Variants in CHIC2 observed in about 807,000 individuals in gnomAD.
CHIC2 encodes cysteine rich hydrophobic domain 2, also known as cysteine-rich hydrophobic domain-containing protein 2.
CHIC2 carries 14 observed loss-of-function variants against 25.9 expected under a neutral mutation model. The ratio of observed to expected loss-of-function variants is 0.54; its 90% CI spans 0.36 to 0.85. The LOEUF (loss-of-function observed/expected upper bound fraction) is 0.85. CHIC2 is among the 40% of genes least tolerant of loss of function. The pLI is 0.01. For missense variants in CHIC2, 146 were observed against 202.0 expected, an observed-to-expected ratio of 0.72 and a Z score of 1.68; for synonymous variants, 70 against 72.0, an observed-to-expected ratio of 0.97 and a Z score of 0.14.
chr4:54,020,429 C>T lies in CHIC2; in HGVS notation c.331-6310G>A, dbSNP rs184041676. On this transcript the variant is annotated intron_variant, in intron 3 of 5. Coordinates refer to ENST00000263921, the MANE Select transcript of CHIC2 (RefSeq NM_012110.4). ...GCTGACTCTCTTTTTGGACTCAGCC[C>T]GCCTGCACCCAGGTGAAATAAACAG... is the stretch of plus-strand genomic sequence containing the variant. Among the ~76,000 whole-genome samples, 162 of 152,298 alleles carry T rather than the reference C, an allele frequency of 1.1e-3. 2 individuals carry two copies. In the East Asian group the frequency reaches 0.021, roughly 20 times the overall value.
chr4:54,044,953 A>G (rs1309241179), intron 3 of CHIC2, among the ~76,000 whole-genome samples: 4 of 152,208 alleles, frequency 2.6e-5, no homozygotes, highest in African/African-American at 9.7e-5. Context: ...GCAATAAAAA[A>G]TGATAAAGGG....
At chr4:54,036,860 T>TTTA (rs1419245922) in intron 3 of CHIC2, among the ~76,000 whole-genome samples, 1 of 151,502 alleles carries the variant, frequency 6.6e-6, no homozygotes, top group Non-Finnish European at 1.5e-5. Context: ...CTCAGGAATT[T>TTTA]TTACTCAAAA....
At chr4:54,078,328 C>T in the CHIC2 span, among the ~76,000 whole-genome samples, 11 of 152,120 alleles carry the variant, frequency 7.2e-5, no homozygotes, top group Non-Finnish European at 1.3e-4. Context: ...CAGATTTAAT[C>T]CAGTCATATT....
the CHIC2 span, among the ~76,000 whole-genome samples, chr4:54,077,021 T>C: frequency 2.0e-5 from 3 of 152,308 alleles, no homozygotes; most frequent in South Asian, 6.2e-4. Flanking sequence ...TCAACAATTG[T>C]CATCCTTGTT....
At chr4:54,041,371 A>G (rs1716573825) in intron 3 of CHIC2, among the ~76,000 whole-genome samples, 1 of 152,088 alleles carries the variant, frequency 6.6e-6, no homozygotes, top group Non-Finnish European at 1.5e-5. Flanking sequence ...CTCTCGATCG[A>G]GGGTTCTTAA....
At chr4:54,080,926 T>G in the CHIC2 span, among the ~76,000 whole-genome samples, 1 of 133,744 alleles carries the variant, frequency 7.5e-6, no homozygotes, top group Non-Finnish European at 1.6e-5. Context: ...TGGTAATCAT[T>G]TCACAATGTG....
the CHIC2 span, among the ~76,000 whole-genome samples, chr4:54,071,928 A>G: frequency 3.3e-5 from 5 of 152,174 alleles, no homozygotes; most frequent in East Asian, 1.9e-4. Flanking sequence ...TAATAAATCT[A>G]TGAAATCCAT....
At chr4:54,036,009 C>T (rs537944401) in intron 3 of CHIC2, among the ~76,000 whole-genome samples, 11 of 152,242 alleles carry the variant, frequency 7.2e-5, no homozygotes, top group South Asian at 2.1e-4. Context: ...AATTTTCTAG[C>T]GATTTTTCAT....
intron 3 of CHIC2, among the ~76,000 whole-genome samples, chr4:54,032,913 C>G (rs1357863481): frequency 1.3e-5 from 2 of 152,094 alleles, no homozygotes; most frequent in South Asian, 2.1e-4. Flanking sequence ...GGTGGGGCCT[C>G]GTGGAAGGTG....
At chr4:54,048,458 G>A (rs943700472) in intron 3 of CHIC2, among the ~76,000 whole-genome samples, 1 of 152,090 alleles carries the variant, frequency 6.6e-6, no homozygotes, top group Admixed American at 6.6e-5. Flanking sequence ...TTTATTTCTT[G>A]TATGGGTACC....
the CHIC2 span, among the ~76,000 whole-genome samples, chr4:54,086,604 G>GA: frequency 5.3e-5 from 8 of 152,116 alleles, no homozygotes; most frequent in Admixed American, 6.6e-5. Flanking sequence ...TGCTATGGGA[G>GA]AAAAAAATAG....
intron 1 of CHIC2, 59 bp from the exon 2 acceptor site, chr4:54,049,364 C>A: frequency 1.8e-6 from 2 of 1,104,756 alleles, no homozygotes; most frequent in East Asian, 2.5e-5. Context: ...AAAATGTAGA[C>A]CATTTAATTT....
At chr4:54,040,612 A>G (rs948684636) in intron 3 of CHIC2, among the ~76,000 whole-genome samples, 2 of 151,462 alleles carry the variant, frequency 1.3e-5, no homozygotes, top group Non-Finnish European at 2.9e-5. Context: ...GAGGCAAGAG[A>G]ATCACTTGAA....
chr4:54,010,280 CTT>C (rs1715544872), intron 5 of CHIC2, 135 bp from the exon 6 acceptor site: 1 of 605,766 alleles, frequency 1.7e-6, no homozygotes, highest in East Asian at 2.9e-5. Context: ...TAAAACAGAT[CTT>C]TATCTGATAA....
intron 3 of CHIC2, among the ~76,000 whole-genome samples, chr4:54,032,196 A>G (rs1439852856): frequency 1.3e-5 from 2 of 152,230 alleles, no homozygotes; most frequent in Non-Finnish European, 2.9e-5. Flanking sequence ...CATATCTAAA[A>G]GAGTAAAGCA....
At position 54,010,142 on chromosome 4, in the gene CHIC2, T is replaced by C; in HGVS notation, c.451A>G (p.Ile151Val). Residue 151 changes from isoleucine to valine, a missense_variant, in exon 6 of 6, where the codon ATC (isoleucine) becomes GTC (valine). Coordinates refer to ENST00000263921, the MANE Select transcript of CHIC2 (RefSeq NM_012110.4). ...GTCTTTGGTAAAAATTCTATGAGGATGACCTGTAAAAGGAGAAGAAAAAGG... is the reference window on the plus strand; with the variant it reads ...GTCTTTGGTAAAAATTCTATGAGGACGACCTGTAAAAGGAGAAGAAAAAGG... ...CETNNMMEYV[I>V]LIEFLPKTPI... 1 of 1,605,106 alleles carries C rather than the reference T, an allele frequency of 6.2e-7. No homozygotes were observed.
chr4:54,055,213 A>G (rs1717138669), intron 1 of CHIC2, among the ~76,000 whole-genome samples: 1 of 152,038 alleles, frequency 6.6e-6, no homozygotes, highest in Admixed American at 6.6e-5. Flanking sequence ...GGCTCAAGTG[A>G]TCTTTCTGCC....
At position 54,057,367 on chromosome 4, in the gene CHIC2, T is replaced by C. The variant is rs1245174822; in HGVS notation, c.119+6815A>G. Among the ~76,000 whole-genome samples the C allele has an allele frequency of 3.9e-5, 6 of 152,178 alleles. No homozygotes were observed. The East Asian group carries it at 1.2e-3, about 29-fold the overall frequency. ...TCATTTCAAGACATTATCCCCTTTGTTCACTATATTCTAGCCATAATATAG... is the reference window on the plus strand; with the variant it reads ...TCATTTCAAGACATTATCCCCTTTGCTCACTATATTCTAGCCATAATATAG... On this transcript the variant is annotated intron_variant, in intron 1 of 5. Coordinates refer to ENST00000263921, the MANE Select transcript of CHIC2 (RefSeq NM_012110.4).
At chr4:54,069,459 G>C (rs547968813), upstream of CHIC2, among the ~76,000 whole-genome samples, 92 of 152,360 alleles carry the variant, frequency 6.0e-4, 1 homozygote, top group Non-Finnish European at 2.9e-4. Context: ...CCAGCACACG[G>C]ATGAGTTCTT....
Sources: gnomAD v4.1 joint callset for allele counts (sites outside exome capture counted in the v4.1 genomes callset) on GRCh38, gnomAD v4.1.1 for gene constraint, MANE v1.5 for transcripts, NCBI Gene and HGNC (gene_info 2026-07-23, HGNC 2026-07-21) for gene names.